Variants in MAOA observed in about 807,000 individuals in gnomAD.
MAOA encodes the protein amine oxidase [flavin-containing] A.
In MAOA, 6 loss-of-function variants were observed where a neutral mutation model predicts 42.0. That is an observed-to-expected ratio of 0.14 (90% CI 0.08 to 0.28). The LOEUF (loss-of-function observed/expected upper bound fraction) is 0.28, where lower values mean the gene tolerates loss of function less well. MAOA is among the 10% of genes least tolerant of loss of function. The probability of loss-of-function intolerance (pLI) is 1.00; values close to 1 mark genes in which losing one functional copy is unlikely to be tolerated. For missense variants in MAOA, 262 were observed against 422.3 expected, an observed-to-expected ratio of 0.62 and a Z score of 3.33; for synonymous variants, 140 against 154.0, an observed-to-expected ratio of 0.91 and a Z score of 0.67.
intron 8 of MAOA, 65 bp from the exon 9 acceptor site, chrX:43,732,634 A>T: frequency 4.1e-6 from 3 of 723,862 alleles, no homozygotes; most frequent in Non-Finnish European, 6.7e-6. Flanking sequence ...ATATATATTT[A>T]TGTGTGTATG....
intron 1 of MAOA, among the ~76,000 whole-genome samples, chrX:43,678,456 A>C (rs1365272582): frequency 8.9e-6 from 1 of 112,644 alleles, no homozygotes; most frequent in African/African-American, 3.2e-5. Context: ...TCTTTATAGT[A>C]GCCACATTTT....
chrX:43,655,104 G>C (rs1159357769), upstream of MAOA: 2 of 115,430 alleles, frequency 1.7e-5, no homozygotes, highest in South Asian at 3.0e-4. Context: ...CGGCGGCACC[G>C]GCACCGGCAC....
intron 3 of MAOA, among the ~76,000 whole-genome samples, chrX:43,709,999 A>G (rs771335303): frequency 4.6e-4 from 52 of 112,655 alleles, no homozygotes; most frequent in Non-Finnish European, 4.5e-4. Flanking sequence ...TCCACATTCC[A>G]TCAACTGTAT....
At chrX:43,707,532 A>G (rs753116488) in intron 3 of MAOA, among the ~76,000 whole-genome samples, 49 of 112,079 alleles carry the variant, frequency 4.4e-4, no homozygotes, top group Admixed American at 1.9e-3. Flanking sequence ...GAAGCTATGT[A>G]TGTTTGAAGA....
intron 9 of MAOA, among the ~76,000 whole-genome samples, chrX:43,734,994 C>G (rs1177191657): frequency 8.9e-6 from 1 of 112,248 alleles, no homozygotes; most frequent in Non-Finnish European, 1.9e-5. Flanking sequence ...TAATAACAAG[C>G]TATAACTTGA....
chrX:43,712,597 T>A, intron 4 of MAOA, 108 bp from the exon 5 acceptor site: 1 of 542,165 alleles, frequency 1.8e-6, no homozygotes, highest in Non-Finnish European at 3.3e-6. Context: ...AATCACACAT[T>A]TCAACACAGA....
chrX:43,661,338 T>G (rs1307239269), intron 1 of MAOA, among the ~76,000 whole-genome samples: 2 of 111,848 alleles, frequency 1.8e-5, no homozygotes, highest in Non-Finnish European at 3.8e-5. Flanking sequence ...TACAGTGAGA[T>G]AATAATTGAT....
chrX:43,739,126 C>T (rs1342104734), intron 10 of MAOA, among the ~76,000 whole-genome samples: 1 of 111,999 alleles, frequency 8.9e-6, no homozygotes, highest in African/African-American at 3.2e-5. Flanking sequence ...CCCTGAGCCT[C>T]GGTTTCCTCA....
intron 5 of MAOA, among the ~76,000 whole-genome samples, chrX:43,723,407 C>A (rs1451254008): frequency 9.0e-6 from 1 of 111,426 alleles, no homozygotes; most frequent in Non-Finnish European, 1.9e-5. Context: ...TCCTTCACAT[C>A]CCTTATAAAT....
chrX:43,725,726 G>A (rs1213818138), intron 5 of MAOA, among the ~76,000 whole-genome samples: 1 of 111,545 alleles, frequency 9.0e-6, no homozygotes, highest in Non-Finnish European at 1.9e-5. Flanking sequence ...GATGCTAGCT[G>A]GTTATTTTTC....
At chrX:43,732,636 G>A (rs2033891349) in intron 8 of MAOA, 63 bp from the exon 9 acceptor site, 1 of 722,764 alleles carries the variant, frequency 1.4e-6, no homozygotes, top group Non-Finnish European at 2.2e-6. Flanking sequence ...ATATATTTAT[G>A]TGTGTATGGG....
At chrX:43,718,395 G>A (rs1332027587) in intron 5 of MAOA, among the ~76,000 whole-genome samples, 1 of 91,766 alleles carries the variant, frequency 1.1e-5, no homozygotes, top group Non-Finnish European at 2.1e-5. Flanking sequence ...AAGTGTGGGG[G>A]GATGATATCA....
chrX:43,689,322 A>G (rs1246492778), intron 2 of MAOA, among the ~76,000 whole-genome samples: 1 of 111,973 alleles, frequency 8.9e-6, no homozygotes, highest in Non-Finnish European at 1.9e-5. Flanking sequence ...TAAATGTTTT[A>G]ACTTTATTAT....
At chrX:43,737,235 A>G (rs1014475983) in intron 10 of MAOA, among the ~76,000 whole-genome samples, 2 of 110,869 alleles carry the variant, frequency 1.8e-5, no homozygotes, top group African/African-American at 6.6e-5. Context: ...GGATTCAAAC[A>G]ACCATGAGAT....
intron 10 of MAOA, among the ~76,000 whole-genome samples, chrX:43,737,862 G>A (rs1019522569): frequency 2.7e-5 from 3 of 111,293 alleles, no homozygotes; most frequent in Non-Finnish European, 3.8e-5. Flanking sequence ...ATTTTCTTTT[G>A]GATTTCCTGC....
intron 5 of MAOA, among the ~76,000 whole-genome samples, chrX:43,727,041 C>G (rs914553807): frequency 8.9e-6 from 1 of 112,106 alleles, no homozygotes; most frequent in Non-Finnish European, 1.9e-5. Context: ...GATCCTTCCT[C>G]TGGAAGCTTT....
intron 5 of MAOA, among the ~76,000 whole-genome samples, chrX:43,718,773 G>T (rs950361703): frequency 1.8e-5 from 2 of 110,571 alleles, no homozygotes; most frequent in African/African-American, 6.6e-5. Context: ...AGGTGGGATG[G>T]TACCGCCCAG....
In MAOA at chrX:43,704,656, TA is replaced by T. The variant is rs199672152; in HGVS notation, c.307-7205del. 1.5e-3 allele frequency among the ~76,000 whole-genome samples: 146 copies of T among 98,412 alleles called. 2 individuals carry two copies. The East Asian group carries it at 0.033, about 22-fold the overall frequency. 85.5% of individuals were successfully genotyped at this position (98,412 alleles called of 115,157 possible). The stretch of plus-strand genomic sequence containing the variant: ...TTAGCCAGGGCACTTAGGCAAGAAA[TA>T]AAAAAAAAAAGAAAAATTGTATTTG... On this transcript the variant is annotated intron_variant, in intron 3 of 14. Transcript: ENST00000338702.
At chrX:43,714,938 G>T (rs2033730206) in intron 5 of MAOA, among the ~76,000 whole-genome samples, 1 of 110,214 alleles carries the variant, frequency 9.1e-6, no homozygotes, top group Admixed American at 9.7e-5. Context: ...TTAGGGGAAG[G>T]GGAATTTTCC....
Sources: gnomAD v4.1 joint callset for allele counts (sites outside exome capture counted in the v4.1 genomes callset) on GRCh38, gnomAD v4.1.1 for gene constraint, MANE v1.5 for transcripts, NCBI Gene and HGNC (gene_info 2026-07-23, HGNC 2026-07-21) for gene names.